The following PDS5B variants were observed in gnomAD, a reference collection of about 807,000 sequenced individuals.
The protein encoded by PDS5B is PDS5 cohesin associated factor B.
In PDS5B, 51 loss-of-function variants were observed where a neutral mutation model predicts 184.1. The observed-to-expected ratio is 0.28, with a 90% CI of 0.22 to 0.35. PDS5B has a LOEUF of 0.35. Ranked by LOEUF, PDS5B falls within the 10% of genes least tolerant of loss-of-function variation. The pLI, the probability that PDS5B is intolerant of heterozygous loss-of-function variation, is 1.00. For missense variants in PDS5B, 1,180 were observed against 1,723.3 expected (o/e 0.68, Z 5.58); for synonymous variants, 566 against 569.2 (o/e 0.99, Z 0.08).
intron 13 of PDS5B, among the ~76,000 whole-genome samples, chr13:32,691,706 G>C (rs1324477381): frequency 6.6e-6 from 1 of 152,172 alleles, no homozygotes; most frequent in African/African-American, 2.4e-5. Flanking sequence ...GGCAACCAAG[G>C]TTCATAATCA....
intron 1 of PDS5B, among the ~76,000 whole-genome samples, chr13:32,618,395 G>T (rs780023105): frequency 6.6e-6 from 1 of 152,122 alleles, no homozygotes; most frequent in Non-Finnish European, 1.5e-5. Flanking sequence ...GTTTTAAGGT[G>T]CCCACTGTTC....
chr13:32,741,077 T>TTTTTTTTA lies in PDS5B; in HGVS notation c.2407-3_2407-2insTTTTTTTA. Reference sequence around the variant, plus strand: ...TTTTTTTTTTTTTCTCGTTTATTTTTAGCTTCCAGGGAAAAAGACAACTAA... The same window carrying TTTTTTTTA: ...TTTTTTTTTTTTTCTCGTTTATTTTTTTTTTTTAAGCTTCCAGGGAAAAAGACAACTAA... On this transcript the variant is annotated splice_region_variant and splice_polypyrimidine_tract_variant and intron_variant, in intron 21 of 34. Transcript: ENST00000315596. 6.6e-7 allele frequency: 1 copy of TTTTTTTTA among 1,523,022 alleles called. No homozygotes were observed. The highest frequency in any genetic ancestry group is 1.2e-5 in the South Asian group (1 of 84,476). 94.3% of individuals were successfully genotyped at this position (1,523,022 alleles called of 1,614,324 possible). A position where few individuals can be genotyped will look rare whatever the true frequency, so the allele number is the denominator to read the frequency against.
chr13:32,657,142 GC>G (rs1399271495), intron 3 of PDS5B, among the ~76,000 whole-genome samples: 2 of 152,128 alleles, frequency 1.3e-5, no homozygotes, highest in African/African-American at 4.8e-5. Context: ...TTAGTTGTCT[GC>G]CCCAATAATC....
At chr13:32,760,060 A>G (rs909039273) in intron 29 of PDS5B, among the ~76,000 whole-genome samples, 2 of 151,994 alleles carry the variant, frequency 1.3e-5, no homozygotes, top group Non-Finnish European at 2.9e-5. Context: ...GGTTCAAGTC[A>G]TTCTCCTGCC....
Position 32,732,215 on chromosome 13 carries a change from G to A in PDS5B, c.2238G>A (p.Gln746=). Residue 746 remains glutamine (Q), a synonymous_variant, in exon 20 of 35, where the codon CAG becomes CAA. Transcript: ENST00000315596. Reference sequence around the variant, plus strand: ...CTAGTAAAGAGACCCAGTTTGCACAGATATTTGAGGTAATGAGAAAAAAAT... The same window carrying A: ...CTAGTAAAGAGACCCAGTTTGCACAAATATTTGAGGTAATGAGAAAAAAAT... ...IFSSKETQFA[Q]IFEPLHKSLD... is the part of the protein sequence containing the mutation. 6.2e-7 allele frequency: 1 copy of A among 1,601,398 alleles called. No homozygotes were observed. Among genetic ancestry groups the A allele is most frequent in the South Asian group, 1.1e-5 (1 of 88,272 alleles).
intron 19 of PDS5B, among the ~76,000 whole-genome samples, chr13:32,718,581 C>A (rs1034615605): frequency 8.5e-5 from 13 of 152,150 alleles, no homozygotes; most frequent in African/African-American, 3.1e-4. Flanking sequence ...AAAGCAGGAA[C>A]AAGGTGAGAT....
chr13:32,642,760 G>T (rs1175124514), intron 1 of PDS5B, among the ~76,000 whole-genome samples: 1 of 152,014 alleles, frequency 6.6e-6, no homozygotes, highest in African/African-American at 2.4e-5. Context: ...GATTTATTCA[G>T]AATGTTTTTT....
intron 12 of PDS5B, among the ~76,000 whole-genome samples, chr13:32,688,003 A>C (rs929716367): frequency 3.3e-5 from 5 of 152,198 alleles, no homozygotes; most frequent in African/African-American, 1.2e-4. Context: ...GCATCAGTGC[A>C]CAAAGAATTA....
At chr13:32,695,811 A>G (rs1396559027) in intron 14 of PDS5B, among the ~76,000 whole-genome samples, 2 of 152,090 alleles carry the variant, frequency 1.3e-5, no homozygotes, top group South Asian at 2.1e-4. Context: ...TGAGTCATAC[A>G]TGAAATCACT....
chr13:32,727,924 T>C (rs1425216095), intron 19 of PDS5B, among the ~76,000 whole-genome samples: 1 of 151,982 alleles, frequency 6.6e-6, no homozygotes, highest in African/African-American at 2.4e-5. Flanking sequence ...ACAAGTATTT[T>C]TGACTACTTG....
chr13:32,689,546 A>G lies in PDS5B; in HGVS notation c.1469+977A>G, dbSNP rs180748912. 22 of 152,306 alleles carry G rather than the reference A, an allele frequency of 1.4e-4. No homozygotes were observed. The East Asian group carries it at 4.2e-3, about 29-fold the overall frequency. 9.4% of individuals were successfully genotyped at this position (152,306 alleles called of 1,614,324 possible). A position where few individuals can be genotyped will look rare whatever the true frequency, so the allele number is the denominator to read the frequency against. On this transcript the variant is annotated intron_variant, in intron 13 of 34. Transcript: ENST00000315596. ...AAATATTTACTGTCCGGCCTTTTAC[A>G]GAAAAAGCTTGGCAACCCTGGTTTA... is the stretch of plus-strand genomic sequence containing the variant.
intron 1 of PDS5B, among the ~76,000 whole-genome samples, chr13:32,648,162 A>G (rs1331074237): frequency 7.2e-5 from 11 of 152,178 alleles, no homozygotes; most frequent in Admixed American, 7.2e-4. Context: ...GGCTGGGGAA[A>G]AGAGGTGTTC....
At chr13:32,761,893 T>C (rs988050558) in intron 30 of PDS5B, among the ~76,000 whole-genome samples, 5 of 152,222 alleles carry the variant, frequency 3.3e-5, no homozygotes, top group African/African-American at 9.6e-5. Context: ...CTGTTTTCCA[T>C]AGTGGCTGAA....
intron 1 of PDS5B, among the ~76,000 whole-genome samples, chr13:32,595,439 A>G (rs1476397767): frequency 6.6e-6 from 1 of 152,212 alleles, no homozygotes; most frequent in Non-Finnish European, 1.5e-5. Context: ...GACTCCCACA[A>G]AAGTTTATAT....
intron 30 of PDS5B, among the ~76,000 whole-genome samples, chr13:32,764,136 A>G (rs1174035275): frequency 3.3e-5 from 5 of 152,134 alleles, no homozygotes; most frequent in Admixed American, 6.5e-5. Flanking sequence ...CAGAGAGAAG[A>G]AAAAATAGAA....
At chr13:32,692,739 T>G (rs1951591025) in intron 13 of PDS5B, among the ~76,000 whole-genome samples, 1 of 152,060 alleles carries the variant, frequency 6.6e-6, no homozygotes. Flanking sequence ...GTAATACTGC[T>G]TTTCCTAGTA....
intron 19 of PDS5B, among the ~76,000 whole-genome samples, chr13:32,728,609 T>C (rs1437954247): frequency 6.6e-6 from 1 of 152,152 alleles, no homozygotes; most frequent in Non-Finnish European, 1.5e-5. Flanking sequence ...ACTCTCATCT[T>C]TATCTCCCTC....
rs143284979 is a variant in PDS5B at position 32,608,838 on chromosome 13, C to T, written c.-20+22245C>T. ...GAGCCCAGTTGCTACCCTGTGCCAC[C>T]GAAGGTGAACCAAAAGATCTATGAC... On this transcript the variant is annotated intron_variant, in intron 1 of 34. Transcript: ENST00000315596. 6.0e-4 allele frequency among the ~76,000 whole-genome samples: 92 copies of T among 152,236 alleles called. 1 individual carries two copies. The highest frequency in any genetic ancestry group is 5.0e-3 in the East Asian group (26 of 5,184).
chr13:32,637,682 C>A (rs1005211068), intron 1 of PDS5B, among the ~76,000 whole-genome samples: 1 of 151,960 alleles, frequency 6.6e-6, no homozygotes, highest in Non-Finnish European at 1.5e-5. Flanking sequence ...TCAAAGGAGA[C>A]AGGAATGACC....
Sources: gnomAD v4.1 joint callset for allele counts (sites outside exome capture counted in the v4.1 genomes callset) on GRCh38, gnomAD v4.1.1 for gene constraint, MANE v1.5 for transcripts, NCBI Gene and HGNC (gene_info 2026-07-23, HGNC 2026-07-21) for gene names.